The following NSMCE2 variants were observed in gnomAD, a reference collection of about 807,000 sequenced individuals.
NSMCE2 encodes E3 SUMO-protein ligase NSE2.
NSMCE2 carries 24 observed loss-of-function variants against 23.8 expected under a neutral mutation model. The observed-to-expected ratio is 1.01, with a 90% CI of 0.73 to 1.42. The LOEUF (loss-of-function observed/expected upper bound fraction) is 1.42, where lower values mean the gene tolerates loss of function less well. Among genes scored for constraint, NSMCE2 ranks in the 40% most tolerant of loss-of-function variants. The pLI is 0.00. For missense variants in NSMCE2, 284 were observed against 296.5 expected (o/e 0.96, Z 0.31); for synonymous variants, 92 against 94.1 (o/e 0.98, Z 0.13).
At chr8:125,094,660 A>G (rs903562588) in intron 1 of NSMCE2, 1 of 152,266 alleles carries the variant, frequency 6.6e-6, no homozygotes, top group Non-Finnish European at 1.5e-5. Context: ...AATACCATAG[A>G]CTGGGTGGCT....
At chr8:125,347,495 C>T (rs755379668) in intron 5 of NSMCE2, among the ~76,000 whole-genome samples, 11 of 152,180 alleles carry the variant, frequency 7.2e-5, no homozygotes, top group Non-Finnish European at 1.3e-4. Flanking sequence ...TCCTACCAGA[C>T]CCGATCTTAT....
At chr8:125,167,775 T>C (rs997922588) in intron 4 of NSMCE2, among the ~76,000 whole-genome samples, 21 of 151,546 alleles carry the variant, frequency 1.4e-4, no homozygotes, top group Admixed American at 9.2e-4. Context: ...TTTTTTTTTT[T>C]ATTTTAGGAA....
At chr8:125,342,974 C>T (rs1830301711) in intron 5 of NSMCE2, among the ~76,000 whole-genome samples, 1 of 152,032 alleles carries the variant, frequency 6.6e-6, no homozygotes, top group South Asian at 2.1e-4. Flanking sequence ...GGATTGTTCT[C>T]CTGACTTTTT....
At chr8:125,128,970 G>A (rs994263339) in intron 3 of NSMCE2, among the ~76,000 whole-genome samples, 9 of 152,096 alleles carry the variant, frequency 5.9e-5, no homozygotes, top group African/African-American at 2.2e-4. Flanking sequence ...GGCACTGGGG[G>A]ATTATTAGAG....
At chr8:125,275,010 TAATAATAA>T (rs1827391343) in intron 5 of NSMCE2, among the ~76,000 whole-genome samples, 107 of 134,920 alleles carry the variant, frequency 7.9e-4, no homozygotes, top group African/African-American at 3.1e-3. Flanking sequence ...ATAATAATAA[TAATAATAA>T]TAATAATAAT....
intron 5 of NSMCE2, among the ~76,000 whole-genome samples, chr8:125,258,972 G>A (rs573607582): frequency 2.6e-5 from 4 of 152,234 alleles, no homozygotes; most frequent in Admixed American, 6.5e-5. Flanking sequence ...GCACGATCTC[G>A]GCTCACTGCA....
At chr8:125,171,109 A>T (rs545968864) in intron 4 of NSMCE2, among the ~76,000 whole-genome samples, 1 of 152,106 alleles carries the variant, frequency 6.6e-6, no homozygotes, top group South Asian at 2.1e-4. Flanking sequence ...TCTGGTTCAG[A>T]TGTCGTCTTT....
chr8:125,155,585 T>G, intron 4 of NSMCE2, among the ~76,000 whole-genome samples: 1 of 152,200 alleles, frequency 6.6e-6, no homozygotes, highest in East Asian at 1.9e-4. Flanking sequence ...AAGAATTATT[T>G]TATTATCAAT....
At chr8:125,281,810 C>T (rs1261678138) in intron 5 of NSMCE2, among the ~76,000 whole-genome samples, 1 of 151,748 alleles carries the variant, frequency 6.6e-6, no homozygotes, top group Non-Finnish European at 1.5e-5. Context: ...AAACTCCTGG[C>T]CTCAAGCAAT....
At chr8:125,125,877 G>A (rs1819493676) in intron 3 of NSMCE2, among the ~76,000 whole-genome samples, 1 of 152,174 alleles carries the variant, frequency 6.6e-6, no homozygotes, top group Admixed American at 6.5e-5. Context: ...TGGTGAGGAA[G>A]GGCCCAGGGT....
At chr8:125,306,595 C>G (rs1828775707) in intron 5 of NSMCE2, among the ~76,000 whole-genome samples, 1 of 152,148 alleles carries the variant, frequency 6.6e-6, no homozygotes, top group South Asian at 2.1e-4. Flanking sequence ...GAGACCTGCA[C>G]AAAATGTGAA....
At chr8:125,199,853 G>T (rs186602839) in intron 5 of NSMCE2, among the ~76,000 whole-genome samples, 3 of 151,900 alleles carry the variant, frequency 2.0e-5, no homozygotes, top group East Asian at 3.9e-4. Context: ...TATGAATCTG[G>T]GTGCGCCTGT....
chr8:125,229,392 A>G (rs140344737), intron 5 of NSMCE2, among the ~76,000 whole-genome samples: 3 of 152,206 alleles, frequency 2.0e-5, no homozygotes, highest in Non-Finnish European at 2.9e-5. Context: ...CCCATACAAA[A>G]TTTTTAATAT....
chr8:125,254,022 G>A (rs1378031576), intron 5 of NSMCE2, among the ~76,000 whole-genome samples: 1 of 152,082 alleles, frequency 6.6e-6, no homozygotes, highest in East Asian at 1.9e-4. Flanking sequence ...GTCTAAGTGT[G>A]TTTCTAAGGG....
chr8:125,209,104 G>A (rs1824229241), intron 5 of NSMCE2, among the ~76,000 whole-genome samples: 1 of 152,146 alleles, frequency 6.6e-6, no homozygotes, highest in African/African-American at 2.4e-5. Flanking sequence ...GCACCACTGT[G>A]ACCAATTTGA....
chr8:125,223,308 A>C (rs1394418258), intron 5 of NSMCE2, among the ~76,000 whole-genome samples: 1 of 152,010 alleles, frequency 6.6e-6, no homozygotes, highest in East Asian at 1.9e-4. Context: ...CTATGAGTCA[A>C]GATTGCACCA....
intron 4 of NSMCE2, among the ~76,000 whole-genome samples, chr8:125,174,712 T>C (rs1315277338): frequency 6.6e-6 from 1 of 152,234 alleles, no homozygotes; most frequent in Non-Finnish European, 1.5e-5. Flanking sequence ...AGGAAAGGTG[T>C]TTCCATGTTT....
chr8:125,305,269 G>A (rs890165556), intron 5 of NSMCE2, among the ~76,000 whole-genome samples: 2 of 152,198 alleles, frequency 1.3e-5, no homozygotes, highest in Non-Finnish European at 2.9e-5. Context: ...TACGGAGTAA[G>A]TAGTATCATT....
At chr8:125,249,789 A>C (rs1204277079) in intron 5 of NSMCE2, among the ~76,000 whole-genome samples, 1 of 152,034 alleles carries the variant, frequency 6.6e-6, no homozygotes, top group Non-Finnish European at 1.5e-5. Flanking sequence ...AAAACCTGAC[A>C]TTGTTTTAGG....
Sources: allele counts gnomAD v4.1 joint callset (sites outside exome capture counted in the v4.1 genomes callset), GRCh38; gene constraint gnomAD v4.1.1; transcripts MANE v1.5; gene names NCBI Gene and HGNC (gene_info 2026-07-23, HGNC 2026-07-21).